STXBP5L: variants seen among roughly 807,000 people sequenced by gnomAD.
The protein encoded by STXBP5L is syntaxin binding protein 5L.
In STXBP5L, 65 loss-of-function variants were observed where a neutral mutation model predicts 144.5. The observed-to-expected ratio is 0.45, with a 90% confidence interval of 0.37 to 0.55. The LOEUF is 0.55. Ranked by LOEUF, STXBP5L falls within the 20% of genes least tolerant of loss-of-function variation. The pLI, the probability that STXBP5L is intolerant of heterozygous loss-of-function variation, is 0.00. For synonymous variants in STXBP5L, 505 were observed against 469.6 expected, an observed-to-expected ratio of 1.08 and a Z score of -0.97; for missense variants, 1,298 against 1,405.5, an observed-to-expected ratio of 0.92 and a Z score of 1.22.
At chr3:120,948,677 A>G (rs961563352) in intron 2 of STXBP5L, among the ~76,000 whole-genome samples, 2 of 152,082 alleles carry the variant, frequency 1.3e-5, no homozygotes, top group East Asian at 1.9e-4. Flanking sequence ...TTCCTGAGTT[A>G]CTTAACTTAG....
At chr3:121,037,704 A>T (rs1455436703) in intron 3 of STXBP5L, among the ~76,000 whole-genome samples, 1 of 152,046 alleles carries the variant, frequency 6.6e-6, no homozygotes, top group Non-Finnish European at 1.5e-5. Flanking sequence ...TCTTCCTCTC[A>T]ATTTTTCTGC....
chr3:121,077,311 C>T (rs1423968829), intron 5 of STXBP5L, among the ~76,000 whole-genome samples: 3 of 152,204 alleles, frequency 2.0e-5, no homozygotes, highest in African/African-American at 7.2e-5. Flanking sequence ...CTTGGTCTCA[C>T]TGACTTCAAG....
At chr3:121,078,287 G>C (rs1390279747) in intron 5 of STXBP5L, among the ~76,000 whole-genome samples, 1 of 148,188 alleles carries the variant, frequency 6.7e-6, no homozygotes, top group African/African-American at 2.5e-5. Flanking sequence ...CCACACCAGA[G>C]TAGCTAGATA....
chr3:121,163,938 A>G (rs1371975747), intron 9 of STXBP5L, among the ~76,000 whole-genome samples: 2 of 152,190 alleles, frequency 1.3e-5, no homozygotes, highest in Non-Finnish European at 2.9e-5. Flanking sequence ...TTCTTTAAAA[A>G]ACAGGTTTAT....
intron 22 of STXBP5L, among the ~76,000 whole-genome samples, chr3:121,388,802 A>T (rs1389949503): frequency 6.6e-6 from 1 of 152,172 alleles, no homozygotes; most frequent in Non-Finnish European, 1.5e-5. Context: ...TCAGTATTTT[A>T]TTGAGGATTT....
chr3:121,181,375 C>A (rs371514037), intron 9 of STXBP5L, among the ~76,000 whole-genome samples: 75 of 150,690 alleles, frequency 5.0e-4, no homozygotes, highest in African/African-American at 1.8e-3. Context: ...CATCTCAATA[C>A]TAACATTGAA....
intron 20 of STXBP5L, among the ~76,000 whole-genome samples, chr3:121,368,521 C>T (rs949051142): frequency 6.6e-6 from 1 of 151,784 alleles, no homozygotes; most frequent in Non-Finnish European, 1.5e-5. Flanking sequence ...ATGGGCCATC[C>T]TTCCCTGTCT....
chr3:120,935,252 A>G (rs1237805728), intron 2 of STXBP5L, among the ~76,000 whole-genome samples: 1 of 151,872 alleles, frequency 6.6e-6, no homozygotes, highest in Non-Finnish European at 1.5e-5. Context: ...ATGTACCACT[A>G]CATGAGCCAT....
At chr3:121,027,202 C>G (rs1236918589) in intron 3 of STXBP5L, among the ~76,000 whole-genome samples, 1 of 151,914 alleles carries the variant, frequency 6.6e-6, no homozygotes, top group East Asian at 1.9e-4. Flanking sequence ...ATGTCTCATT[C>G]CATTTCAGAA....
At chr3:121,112,302 T>C (rs2044024883) in intron 5 of STXBP5L, among the ~76,000 whole-genome samples, 1 of 152,122 alleles carries the variant, frequency 6.6e-6, no homozygotes, top group South Asian at 2.1e-4. Flanking sequence ...GGGGATCTTC[T>C]GATTTGCAGG....
intron 9 of STXBP5L, among the ~76,000 whole-genome samples, chr3:121,188,209 C>G (rs984723877): frequency 6.6e-6 from 1 of 152,128 alleles, no homozygotes; most frequent in African/African-American, 2.4e-5. Context: ...ACAGAACTCT[C>G]CACCCCAAAT....
At chr3:121,206,581 G>A (rs1300289589) in intron 10 of STXBP5L, among the ~76,000 whole-genome samples, 1 of 152,082 alleles carries the variant, frequency 6.6e-6, no homozygotes, top group African/African-American at 2.4e-5. Context: ...AGGCTAAGGC[G>A]GGTGGATCAC....
chr3:121,261,584 AC>A (rs2050383975), intron 18 of STXBP5L, among the ~76,000 whole-genome samples: 1 of 152,220 alleles, frequency 6.6e-6, no homozygotes, highest in South Asian at 2.1e-4. Flanking sequence ...TTTGGTTTAC[AC>A]CAGGAATTCA....
chr3:120,918,070 A>C (rs1426671913), intron 2 of STXBP5L, among the ~76,000 whole-genome samples: 1 of 152,186 alleles, frequency 6.6e-6, no homozygotes, highest in Non-Finnish European at 1.5e-5. Context: ...GGCTGATCAC[A>C]ATTCCTTGGC....
intron 3 of STXBP5L, among the ~76,000 whole-genome samples, chr3:120,983,048 A>C (rs1941946115): frequency 6.6e-6 from 1 of 152,184 alleles, no homozygotes. Flanking sequence ...GGAGGCAGGC[A>C]GCTGTGATAC....
chr3:121,333,568 A>C (rs917495887), intron 20 of STXBP5L, among the ~76,000 whole-genome samples: 1 of 151,200 alleles, frequency 6.6e-6, no homozygotes. Context: ...AAAAAAAAAC[A>C]TTCAAAAGAT....
chr3:121,360,017 T>TATATATATTATTACTATATAATATA (rs2045660177), intron 20 of STXBP5L, among the ~76,000 whole-genome samples: 9 of 145,788 alleles, frequency 6.2e-5, no homozygotes, highest in African/African-American at 5.0e-5. Context: ...TATAATATAA[T>TATATATATTATTACTATATAATATA]ATATATATTA....
chr3:121,399,849 C>A (rs1576356460), intron 22 of STXBP5L, among the ~76,000 whole-genome samples: 1 of 152,190 alleles, frequency 6.6e-6, no homozygotes, highest in Non-Finnish European at 1.5e-5. Context: ...CAGTTTATGG[C>A]CAGATTTTGG....
chr3:121,155,060 C>T (rs1460977078), intron 8 of STXBP5L, among the ~76,000 whole-genome samples: 1 of 151,748 alleles, frequency 6.6e-6, no homozygotes, highest in Non-Finnish European at 1.5e-5. Flanking sequence ...TGATGTCTTA[C>T]CTCTTCAATA....
Sources: allele counts gnomAD v4.1 joint callset (sites outside exome capture counted in the v4.1 genomes callset), GRCh38; gene constraint gnomAD v4.1.1; transcripts MANE v1.5; gene names NCBI Gene and HGNC (gene_info 2026-07-23, HGNC 2026-07-21).